Variants in GTF2IRD1 observed in about 807,000 individuals in gnomAD.
The protein encoded by GTF2IRD1 is GTF2I repeat domain containing 1.
A neutral mutation model predicts 113.2 loss-of-function variants in GTF2IRD1; 26 were observed. That is an observed-to-expected ratio of 0.23 (90% CI 0.17 to 0.32). The LOEUF is 0.32. GTF2IRD1 is among the 10% of genes least tolerant of loss of function. The pLI, the probability that GTF2IRD1 is intolerant of heterozygous loss-of-function variation, is 1.00. For synonymous variants in GTF2IRD1, 484 were observed against 529.1 expected (o/e 0.91, Z 1.17); for missense variants, 864 against 1,280.8 (o/e 0.67, Z 4.97).
In GTF2IRD1 at chr7:74,601,142, C is replaced by T; in HGVS notation, c.2728C>T (p.Pro910Ser). Reference protein sequence around the residue: ...SSSSSSSSSNPDSVASANQIS... With the variant: ...SSSSSSSSSNSDSVASANQIS... ...GTCTTCCTCTTCCTCGTCCTCTAACCCGGATTCAGTGGCATCGGCCAACCA... is the reference window on the plus strand; with the variant it reads ...GTCTTCCTCTTCCTCGTCCTCTAACTCGGATTCAGTGGCATCGGCCAACCA... The change falls in exon 26 of 27, where the codon CCG becomes TCG. Residue 910 changes from proline (P) to serine (S), a missense_variant. Pro to Ser is a moderately conservative substitution (Grantham distance 74). Transcript: ENST00000424337. The T allele has an allele frequency of 6.2e-7, 1 of 1,610,446 alleles. No homozygotes were observed. Among genetic ancestry groups the T allele is most frequent in the Non-Finnish European group, 8.5e-7 (1 of 1,178,226 alleles).
At chr7:74,474,788 G>T (rs1794308547) in intron 1 of GTF2IRD1, among the ~76,000 whole-genome samples, 1 of 152,160 alleles carries the variant, frequency 6.6e-6, no homozygotes, top group South Asian at 2.1e-4. Flanking sequence ...CCCAGGCCCA[G>T]CTAGCCCTGA....
rs782351258 is a variant in GTF2IRD1 at position 74,519,637 on chromosome 7, C to T, written c.834C>T (p.Pro278=). 1.1e-5 allele frequency: 18 copies of T among 1,611,022 alleles called. No homozygotes were observed. The highest frequency in any genetic ancestry group is 6.7e-5 in the African/African-American group (5 of 74,890). ...TCAAGCAGGAAGCACCTTCCTGCCCCCTTGCCCCCAGCGACCTGGGCCTGA... is the reference window on the plus strand; with the variant it reads ...TCAAGCAGGAAGCACCTTCCTGCCCTCTTGCCCCCAGCGACCTGGGCCTGA... ...RELKQEAPSC[P]LAPSDLGLSR... is the part of the protein sequence containing the mutation. The change falls in exon 6 of 27, where the codon CCC becomes CCT. Residue 278 remains proline, a synonymous_variant. Coordinates refer to ENST00000424337, the MANE Select transcript of GTF2IRD1 (RefSeq NM_005685.4).
chr7:74,537,849 TCCCAGATGGTGAAGAAGGGGGATC>T (rs1798390193), intron 11 of GTF2IRD1, among the ~76,000 whole-genome samples: 1 of 152,050 alleles, frequency 6.6e-6, no homozygotes, highest in Admixed American at 6.6e-5. Context: ...TCCCCAGAGC[TCCCAGATGGTGAAGAAGGGGGATC>T]CCCAGATGGT....
At chr7:74,491,311 CTTTTT>C (rs1178298791) in intron 1 of GTF2IRD1, among the ~76,000 whole-genome samples, 3 of 95,708 alleles carry the variant, frequency 3.1e-5, no homozygotes, top group Admixed American at 2.2e-4. Context: ...AAAAAAAATT[CTTTTT>C]TTTTTTTTTT....
chr7:74,601,654 T>C, intron 26 of GTF2IRD1: 1 of 328,404 alleles, frequency 3.0e-6, no homozygotes, highest in Non-Finnish European at 5.6e-6. Flanking sequence ...TAGTGGCTCA[T>C]GCCTGTAATC....
At chr7:74,503,740 G>A (rs2129919772) in intron 1 of GTF2IRD1, among the ~76,000 whole-genome samples, 1 of 152,290 alleles carries the variant, frequency 6.6e-6, no homozygotes, top group African/African-American at 2.4e-5. Context: ...CAGTGAGACT[G>A]TCTCAAAAAT....
At chr7:74,489,756 G>C (rs1212179811) in intron 1 of GTF2IRD1, among the ~76,000 whole-genome samples, 1 of 152,202 alleles carries the variant, frequency 6.6e-6, no homozygotes. Flanking sequence ...AGGGGAAAAG[G>C]AGTGCCTTGC....
At chr7:74,547,755 C>T (rs1339943054) in intron 17 of GTF2IRD1, among the ~76,000 whole-genome samples, 1 of 114,256 alleles carries the variant, frequency 8.8e-6, no homozygotes. Context: ...TTCTCTCTCT[C>T]TTTTTTTTTT....
At chr7:74,561,305 C>T (rs1360885129) in intron 22 of GTF2IRD1, among the ~76,000 whole-genome samples, 3 of 147,478 alleles carry the variant, frequency 2.0e-5, no homozygotes, top group South Asian at 4.3e-4. Context: ...GCCGAGATCG[C>T]GCGACTGCAC....
chr7:74,591,571 A>G (rs1583976671), intron 24 of GTF2IRD1, among the ~76,000 whole-genome samples: 2 of 151,732 alleles, frequency 1.3e-5, no homozygotes, highest in South Asian at 2.1e-4. Context: ...GTAGAGATGG[A>G]GTTTCACCAT....
intron 8 of GTF2IRD1, among the ~76,000 whole-genome samples, chr7:74,527,422 C>T (rs587663075): frequency 1.2e-4 from 19 of 152,234 alleles, no homozygotes; most frequent in Non-Finnish European, 2.5e-4. Flanking sequence ...AGCCAGAAGT[C>T]GAGGCTGCAG....
rs1240405558 is a variant in GTF2IRD1 at position 74,512,341 on chromosome 7, G to A, written c.124-489G>A. Among the ~76,000 whole-genome samples, 1 of 152,156 alleles carries A rather than the reference G, an allele frequency of 6.6e-6. No homozygotes were observed. The highest frequency in any genetic ancestry group is 1.5e-5 in the Non-Finnish European group (1 of 68,020). On this transcript the variant is annotated intron_variant, in intron 2 of 26. Transcript: ENST00000424337. The surrounding 1 kb of genome is among the most constrained non-coding windows in gnomAD (Gnocchi z 4.4). ...CACTCCAGCCTGGGCGACAGAGTGA[G>A]ACTGTGTCTCAAAAAACAAAACAAA...
In GTF2IRD1 at chr7:74,466,952, C is replaced by T. The variant is rs868960430; in HGVS notation, c.-7+12776C>T. ...GGGGCCTCCTCCACCCTTTTTCTTT[C>T]TTTTTTTTTTTTTTTGGAGACAGGG... On this transcript the variant is annotated intron_variant, in intron 1 of 26. Transcript: ENST00000424337. 9.1e-3 allele frequency among the ~76,000 whole-genome samples: 1,282 copies of T among 140,270 alleles called. 16 individuals are homozygous for T. The highest frequency in any genetic ancestry group is 0.03 in the African/African-American group (1,159 of 38,504). The allele number at this position is 140,270 out of a possible 152,430, so 92.0% of individuals were successfully genotyped here.
intron 1 of GTF2IRD1, among the ~76,000 whole-genome samples, chr7:74,492,315 T>C (rs1554336931): frequency 6.6e-6 from 1 of 151,832 alleles, no homozygotes; most frequent in Non-Finnish European, 1.5e-5. Context: ...GGACTACAGG[T>C]GCCTGCCACC....
chr7:74,593,503 G>A (rs1554370726), intron 24 of GTF2IRD1, among the ~76,000 whole-genome samples: 5 of 151,364 alleles, frequency 3.3e-5, no homozygotes, highest in African/African-American at 9.7e-5. Flanking sequence ...GGAGGCCGAG[G>A]CTGGCAGATC....
intron 1 of GTF2IRD1, among the ~76,000 whole-genome samples, chr7:74,459,937 T>G (rs1424399625): frequency 6.6e-6 from 1 of 151,134 alleles, no homozygotes; most frequent in Non-Finnish European, 1.5e-5. Flanking sequence ...TGGAGCGAGT[T>G]TGAATCGAGT....
chr7:74,474,991 G>A (rs1794318402), intron 1 of GTF2IRD1, among the ~76,000 whole-genome samples: 1 of 152,166 alleles, frequency 6.6e-6, no homozygotes, highest in Non-Finnish European at 1.5e-5. Context: ...GTATGGTGGT[G>A]TGTGCCTGTA....
chr7:74,505,211 A>G (rs1796238764), intron 1 of GTF2IRD1, among the ~76,000 whole-genome samples: 1 of 152,140 alleles, frequency 6.6e-6, no homozygotes, highest in African/African-American at 2.4e-5. Context: ...GTTTAGAACC[A>G]TTCCCACTTT....
chr7:74,565,274 C>T (rs1800228283), intron 22 of GTF2IRD1, among the ~76,000 whole-genome samples: 1 of 152,200 alleles, frequency 6.6e-6, no homozygotes, highest in South Asian at 2.1e-4. Flanking sequence ...CCTGTAATCC[C>T]AGCACTTTGG....
Sources: gnomAD v4.1 joint callset for allele counts (sites outside exome capture counted in the v4.1 genomes callset) on GRCh38, gnomAD v4.1.1 for gene constraint, Gnocchi (gnomAD v3.1) non-coding constraint, MANE v1.5 for transcripts, NCBI Gene and HGNC (gene_info 2026-07-23, HGNC 2026-07-21) for gene names.